IMMP2L: variants seen among roughly 807,000 people sequenced by gnomAD.
IMMP2L encodes mitochondrial inner membrane protease subunit 2.
In IMMP2L, 18 loss-of-function variants were observed where a neutral mutation model predicts 19.3. The observed-to-expected ratio is 0.93, with a 90% CI of 0.64 to 1.38. The LOEUF (loss-of-function observed/expected upper bound fraction) is 1.38. Ranked by LOEUF, IMMP2L falls within the 40% of genes most tolerant of loss-of-function variation. IMMP2L has a pLI of 0.00. For missense variants in IMMP2L, 233 were observed against 218.2 expected, an observed-to-expected ratio of 1.07 and a Z score of -0.43; for synonymous variants, 76 against 73.0, an observed-to-expected ratio of 1.04 and a Z score of -0.21.
intron 3 of IMMP2L, among the ~76,000 whole-genome samples, chr7:111,297,765 A>T (rs889416342): frequency 2.6e-5 from 4 of 152,156 alleles, no homozygotes; most frequent in Admixed American, 2.6e-4. Flanking sequence ...ACAACAGCAT[A>T]AATGAGTCTC....
At chr7:111,025,229 C>T (rs947962892) in intron 3 of IMMP2L, among the ~76,000 whole-genome samples, 2 of 152,118 alleles carry the variant, frequency 1.3e-5, no homozygotes, top group African/African-American at 2.4e-5. Flanking sequence ...AGTAAAGTGG[C>T]TCACCACTTA....
At chr7:110,890,605 T>C (rs1810693741) in intron 4 of IMMP2L, among the ~76,000 whole-genome samples, 1 of 152,190 alleles carries the variant, frequency 6.6e-6, no homozygotes, top group South Asian at 2.1e-4. Context: ...TGAATTCACA[T>C]AAAAGAAAGA....
intron 3 of IMMP2L, among the ~76,000 whole-genome samples, chr7:111,166,073 T>A (rs1472044164): frequency 6.6e-6 from 1 of 151,990 alleles, no homozygotes; most frequent in African/African-American, 2.4e-5. Context: ...AAGAAAAAAG[T>A]AGCAATTCAT....
intron 3 of IMMP2L, among the ~76,000 whole-genome samples, chr7:111,232,711 G>C (rs1325134666): frequency 1.3e-5 from 2 of 151,994 alleles, no homozygotes; most frequent in Non-Finnish European, 1.5e-5. Context: ...CAGAATGACA[G>C]TATTAAAATG....
At position 111,510,128 on chromosome 7, in the gene IMMP2L, T is replaced by A. The variant is rs147027466; in HGVS notation, c.135+11185A>T. ...GAAAGTTACATGAAGAAAATAGAGCTTGAGTTTAGACTTAAAGGGAACTTC... is the reference window on the plus strand; with the variant it reads ...GAAAGTTACATGAAGAAAATAGAGCATGAGTTTAGACTTAAAGGGAACTTC... On this transcript the variant is annotated intron_variant, in intron 2 of 5. Coordinates refer to ENST00000405709, the MANE Select transcript of IMMP2L (RefSeq NM_032549.4). 2.1e-3 allele frequency among the ~76,000 whole-genome samples: 325 copies of A among 152,244 alleles called. 1 individual carries two copies. Among genetic ancestry groups the A allele is most frequent in the African/African-American group, 7.5e-3 (310 of 41,546 alleles).
chr7:110,898,898 G>A (rs912669656), intron 4 of IMMP2L, among the ~76,000 whole-genome samples: 5 of 151,290 alleles, frequency 3.3e-5, no homozygotes, highest in African/African-American at 1.2e-4. Context: ...GGGAAGCTCA[G>A]GAAACCTGCC....
intron 4 of IMMP2L, among the ~76,000 whole-genome samples, chr7:110,912,634 AAAGAAAAGCC>A (rs1813182639): frequency 1.3e-5 from 2 of 151,996 alleles, no homozygotes; most frequent in Admixed American, 1.3e-4. Flanking sequence ...GCAATTTTAC[AAAGAAAAGCC>A]CTGATCTTTA....
At chr7:111,426,116 G>A (rs1468262186) in intron 3 of IMMP2L, among the ~76,000 whole-genome samples, 2 of 151,042 alleles carry the variant, frequency 1.3e-5, no homozygotes, top group Non-Finnish European at 3.0e-5. Flanking sequence ...CCAGGGTATG[G>A]ACTATCATGT....
At chr7:111,413,633 A>G (rs2131538667) in intron 3 of IMMP2L, among the ~76,000 whole-genome samples, 1 of 151,852 alleles carries the variant, frequency 6.6e-6, no homozygotes, top group East Asian at 2.0e-4. Context: ...ACAGAAAAGC[A>G]TGTGGCAATA....
intron 3 of IMMP2L, among the ~76,000 whole-genome samples, chr7:111,341,244 C>A (rs1015670231): frequency 6.6e-6 from 1 of 152,034 alleles, no homozygotes; most frequent in Non-Finnish European, 1.5e-5. Flanking sequence ...GTAGCCAATA[C>A]ATCACACAGA....
At chr7:111,417,649 G>A (rs1337112916) in intron 3 of IMMP2L, among the ~76,000 whole-genome samples, 3 of 151,752 alleles carry the variant, frequency 2.0e-5, no homozygotes, top group Non-Finnish European at 4.4e-5. Context: ...TGGGAGAGAA[G>A]CAGAGACTGA....
chr7:110,991,394 A>G (rs1007252629), intron 3 of IMMP2L, among the ~76,000 whole-genome samples: 1 of 152,200 alleles, frequency 6.6e-6, no homozygotes, highest in Non-Finnish European at 1.5e-5. Flanking sequence ...ATTAGAATTT[A>G]TTATCATCAT....
chr7:111,281,381 C>A (rs1165158470), intron 3 of IMMP2L, among the ~76,000 whole-genome samples: 1 of 151,926 alleles, frequency 6.6e-6, no homozygotes, highest in Non-Finnish European at 1.5e-5. Flanking sequence ...AATTTAGTAA[C>A]CCCTTAAATA....
chr7:111,544,710 A>G (rs1394591420), intron 1 of IMMP2L, among the ~76,000 whole-genome samples: 29 of 152,140 alleles, frequency 1.9e-4, no homozygotes, highest in Admixed American at 1.9e-3. Flanking sequence ...AGTGTAACAG[A>G]GCAGCAAAAT....
intron 3 of IMMP2L, chr7:111,394,873 TC>T: frequency 4.3e-6 from 1 of 231,560 alleles, no homozygotes; most frequent in South Asian, 7.8e-5. Context: ...TAAGGCCCAT[TC>T]ACTTTTCAGG....
chr7:111,312,904 C>T (rs1271473819), intron 3 of IMMP2L, among the ~76,000 whole-genome samples: 1 of 151,806 alleles, frequency 6.6e-6, no homozygotes. Context: ...AATTTAATAC[C>T]AGAAACTGAT....
chr7:111,219,282 T>A (rs142208901), intron 3 of IMMP2L, among the ~76,000 whole-genome samples: 218 of 152,120 alleles, frequency 1.4e-3, no homozygotes, highest in Non-Finnish European at 2.4e-3. Flanking sequence ...CTTTTTTTCT[T>A]TGTTTGAGGC....
chr7:110,829,221 C>T (rs74642149), intron 5 of IMMP2L, among the ~76,000 whole-genome samples: 4,745 of 152,106 alleles, frequency 0.031, 88 homozygotes, highest in Middle Eastern at 0.048. Context: ...AGCTAAACTC[C>T]CCAATCAGGT....
rs141742329 is a variant in IMMP2L at position 111,387,236 on chromosome 7, T to C, written c.239+100002A>G. On this transcript the variant is annotated intron_variant, in intron 3 of 5. Coordinates refer to ENST00000405709, the MANE Select transcript of IMMP2L (RefSeq NM_032549.4). Reference sequence around the variant, plus strand: ...ACTTTGAGGATGGTTACAGATGCAATGGCACAGAAAAGGCTTTTAACTTTG... The same window carrying C: ...ACTTTGAGGATGGTTACAGATGCAACGGCACAGAAAAGGCTTTTAACTTTG... Among the ~76,000 whole-genome samples, 170 of 152,218 alleles carry C rather than the reference T, an allele frequency of 1.1e-3. 3 individuals carry two copies. Among genetic ancestry groups the C allele is most frequent in the African/African-American group, 3.9e-3 (164 of 41,558 alleles).
Sources: allele counts gnomAD v4.1 joint callset (sites outside exome capture counted in the v4.1 genomes callset), GRCh38; gene constraint gnomAD v4.1.1; transcripts MANE v1.5; gene names NCBI Gene and HGNC (gene_info 2026-07-23, HGNC 2026-07-21).